DLC1: variants seen among roughly 807,000 people sequenced by gnomAD.
DLC1 encodes DLC1 Rho GTPase activating protein.
A neutral mutation model predicts 140.3 loss-of-function variants in DLC1; 54 were observed. The observed-to-expected ratio is 0.38, with a 90% CI of 0.31 to 0.48. DLC1 has a LOEUF of 0.48. Among genes scored for constraint, DLC1 ranks in the 20% least tolerant of loss-of-function variants. The probability of loss-of-function intolerance (pLI) is 0.96; values close to 1 mark genes in which losing one functional copy is unlikely to be tolerated. For missense variants in DLC1, 2,536 were observed against 1,907.0 expected (o/e 1.33, Z -6.14); for synonymous variants, 986 against 728.1 (o/e 1.35, Z -5.70).
chr8:13,264,965 C>G (rs894343766), intron 5 of DLC1, among the ~76,000 whole-genome samples: 2 of 152,302 alleles, frequency 1.3e-5, no homozygotes, highest in African/African-American at 4.8e-5. Flanking sequence ...TTAGTACATA[C>G]TTCAGTCTTC....
Position 13,099,458 on chromosome 8 carries a change from G to A in DLC1, c.2879C>T (p.Thr960Ile), listed in dbSNP as rs369455521. The A allele has an allele frequency of 6.2e-7, 1 of 1,614,160 alleles. No homozygotes were observed. The highest frequency in any genetic ancestry group is 8.5e-7 in the Non-Finnish European group (1 of 1,180,030). The change falls in exon 9 of 18, where the codon ACA becomes ATA. Residue 960 changes from threonine (T) to isoleucine (I), a missense_variant. Coordinates refer to ENST00000276297, the MANE Select transcript of DLC1 (RefSeq NM_182643.3). ...GCCTGTGCTGTCCAGGTCGCTGGGT[G>A]TGGTTCGGTCGTTGTCCACATCCAG... ...IHLDVDNDRT[T>I]PSDLDSTGNS...
chr8:13,358,331 A>T (rs1315573280), intron 4 of DLC1, among the ~76,000 whole-genome samples: 1 of 152,228 alleles, frequency 6.6e-6, no homozygotes, highest in Non-Finnish European at 1.5e-5. Flanking sequence ...TGTTGATTTC[A>T]AAATACTCGT....
At chr8:13,367,008 G>A (rs950043689) in intron 4 of DLC1, among the ~76,000 whole-genome samples, 5 of 151,998 alleles carry the variant, frequency 3.3e-5, no homozygotes, top group Non-Finnish European at 5.9e-5. Context: ...TCCCAACCAC[G>A]AACTTTGCCT....
intron 5 of DLC1, among the ~76,000 whole-genome samples, chr8:13,218,956 A>G (rs1828368487): frequency 8.7e-6 from 1 of 114,652 alleles, no homozygotes; most frequent in African/African-American, 3.6e-5. Flanking sequence ...ATAATTATAT[A>G]CGTATATAAT....
chr8:13,167,396 G>A (rs1172418234), intron 5 of DLC1, among the ~76,000 whole-genome samples: 1 of 152,110 alleles, frequency 6.6e-6, no homozygotes, highest in Admixed American at 6.5e-5. Context: ...CATATATTAT[G>A]TGTGTGATCT....
intron 2 of DLC1, among the ~76,000 whole-genome samples, chr8:13,447,817 G>T (rs1585124129): frequency 6.6e-6 from 1 of 152,070 alleles, no homozygotes; most frequent in African/African-American, 2.4e-5. Flanking sequence ...TACCAGATTA[G>T]CTAAATTAGT....
intron 15 of DLC1, 95 bp downstream of exon 15, chr8:13,090,156 TC>T: frequency 8.3e-7 from 1 of 1,206,132 alleles, no homozygotes. Flanking sequence ...GGGCTACAGA[TC>T]CCCAGACAGA....
chr8:13,355,014 A>C (rs1834859778), intron 4 of DLC1, among the ~76,000 whole-genome samples: 1 of 152,066 alleles, frequency 6.6e-6, no homozygotes, highest in African/African-American at 2.4e-5. Flanking sequence ...TCTCATTTCT[A>C]ATGAAATAAT....
chr8:13,446,037 T>C (rs908163567), intron 2 of DLC1, among the ~76,000 whole-genome samples: 1 of 152,176 alleles, frequency 6.6e-6, no homozygotes, highest in Non-Finnish European at 1.5e-5. Flanking sequence ...CAAAATCCTT[T>C]CTATACACGG....
chr8:13,226,260 G>T (rs182661863), intron 5 of DLC1, among the ~76,000 whole-genome samples: 1 of 152,126 alleles, frequency 6.6e-6, no homozygotes, highest in Admixed American at 6.5e-5. Flanking sequence ...TATAATTTTA[G>T]ATTTATATTT....
At chr8:13,214,436 C>T in intron 5 of DLC1, 2 of 541,664 alleles carry the variant, frequency 3.7e-6, no homozygotes, top group South Asian at 2.6e-5. Flanking sequence ...TGCAGCTTTG[C>T]ACTGTCAAAC....
intron 1 of DLC1, among the ~76,000 whole-genome samples, chr8:13,538,716 A>G (rs1803383704): frequency 6.6e-6 from 1 of 152,168 alleles, no homozygotes. Flanking sequence ...TAATGTCATT[A>G]TGTATCTTGC....
intron 5 of DLC1, among the ~76,000 whole-genome samples, chr8:13,201,850 G>A (rs551143913): frequency 4.2e-4 from 63 of 149,960 alleles, no homozygotes; most frequent in African/African-American, 1.4e-3. Flanking sequence ...TGTTATATAG[G>A]TAAACTCATG....
chr8:13,583,717 A>G (rs1056898990), intron 1 of DLC1, among the ~76,000 whole-genome samples: 2 of 152,254 alleles, frequency 1.3e-5, no homozygotes, highest in African/African-American at 2.4e-5. Flanking sequence ...AAGAAGCAAC[A>G]CTATTGCATC....
intron 5 of DLC1, among the ~76,000 whole-genome samples, chr8:13,253,037 G>C (rs1830078530): frequency 6.6e-6 from 1 of 152,170 alleles, no homozygotes; most frequent in South Asian, 2.1e-4. Context: ...AGTGGATTAA[G>C]GGAAATGAGA....
intron 1 of DLC1, among the ~76,000 whole-genome samples, chr8:13,510,221 C>G (rs1802297385): frequency 7.0e-6 from 1 of 142,188 alleles, no homozygotes; most frequent in Admixed American, 7.4e-5. Flanking sequence ...GTCGCCCAGT[C>G]TGGAGTGTGA....
At chr8:13,580,561 G>A (rs542056368) in intron 1 of DLC1, among the ~76,000 whole-genome samples, 2 of 152,296 alleles carry the variant, frequency 1.3e-5, no homozygotes, top group East Asian at 3.9e-4. Flanking sequence ...CCTGCTCACT[G>A]TGCCCATCCC....
intron 13 of DLC1, among the ~76,000 whole-genome samples, chr8:13,092,200 G>A (rs1446064389): frequency 5.9e-5 from 9 of 152,172 alleles, no homozygotes; most frequent in South Asian, 2.1e-4. Flanking sequence ...AGCTGAGATC[G>A]TGCCATTGCC....
intron 4 of DLC1, among the ~76,000 whole-genome samples, chr8:13,316,226 C>T: frequency 6.6e-6 from 1 of 152,148 alleles, no homozygotes; most frequent in South Asian, 2.1e-4. Flanking sequence ...CTGGTGCCTG[C>T]AGCAGCCTGT....
Sources: allele counts gnomAD v4.1 joint callset (sites outside exome capture counted in the v4.1 genomes callset), GRCh38; gene constraint gnomAD v4.1.1; transcripts MANE v1.5; gene names NCBI Gene and HGNC (gene_info 2026-07-23, HGNC 2026-07-21).